The following UBE2L3 variants were observed in gnomAD, a reference collection of about 807,000 sequenced individuals.
UBE2L3 encodes the protein ubiquitin-conjugating enzyme E2 L3.
In UBE2L3, 1 loss-of-function variant was observed where a neutral mutation model predicts 17.8. That is an observed-to-expected ratio of 0.06 (90% CI 0.02 to 0.27). The LOEUF (loss-of-function observed/expected upper bound fraction) is 0.27, where lower values mean the gene tolerates loss of function less well. Ranked by LOEUF, UBE2L3 falls within the 10% of genes least tolerant of loss-of-function variation. UBE2L3 has a pLI of 1.00. For synonymous variants in UBE2L3, 44 were observed against 68.5 expected, an observed-to-expected ratio of 0.64 and a Z score of 1.76; for missense variants, 40 against 192.6, an observed-to-expected ratio of 0.21 and a Z score of 4.69.
At chr22:21,562,986 G>C (rs1182011855), upstream of UBE2L3, among the ~76,000 whole-genome samples, 2 of 149,932 alleles carry the variant, frequency 1.3e-5, no homozygotes, top group Admixed American at 1.3e-4. Context: ...GCTCACGCCT[G>C]TAATCCCAGC....
chr22:21,576,721 A>T (rs1050996579), intron 1 of UBE2L3, among the ~76,000 whole-genome samples: 1 of 151,884 alleles, frequency 6.6e-6, no homozygotes, highest in South Asian at 2.1e-4. Context: ...GATGTGAGCC[A>T]CTGCGCCTGG....
intron 1 of UBE2L3, among the ~76,000 whole-genome samples, chr22:21,588,440 A>G (rs915866175): frequency 3.3e-5 from 5 of 149,980 alleles, no homozygotes; most frequent in Non-Finnish European, 5.9e-5. Context: ...CTGATCTCTG[A>G]ATGATTCCAA....
chr22:21,568,375 C>G, intron 1 of UBE2L3: 1 of 985,422 alleles, frequency 1.0e-6, no homozygotes, highest in Non-Finnish European at 1.2e-6. Context: ...AGTCACACAG[C>G]GGGTAAGTTC....
intron 1 of UBE2L3, among the ~76,000 whole-genome samples, chr22:21,575,900 C>T (rs1206383366): frequency 1.3e-5 from 2 of 151,860 alleles, no homozygotes; most frequent in Admixed American, 6.6e-5. Flanking sequence ...CCTTAGCCTC[C>T]CAAAGGATTA....
At chr22:21,557,735 A>T (rs557552289) in intron 1 of UBE2L3, among the ~76,000 whole-genome samples, 2 of 152,234 alleles carry the variant, frequency 1.3e-5, no homozygotes, top group African/African-American at 4.8e-5. Flanking sequence ...GCCAGCCAAG[A>T]TGATCTCGAT....
At chr22:21,591,843 G>A (rs745562950) in intron 1 of UBE2L3, among the ~76,000 whole-genome samples, 6 of 152,158 alleles carry the variant, frequency 3.9e-5, no homozygotes, top group Non-Finnish European at 8.8e-5. Flanking sequence ...GTGTGGAGGC[G>A]GCTTTTGTGC....
intron 1 of UBE2L3, among the ~76,000 whole-genome samples, chr22:21,561,630 G>A (rs1926436046): frequency 6.6e-6 from 1 of 152,298 alleles, no homozygotes; most frequent in South Asian, 2.1e-4. Context: ...CTTACCTAAG[G>A]GAGCATGATA....
In UBE2L3 at chr22:21,567,731, G is replaced by A; in HGVS notation, c.-14G>A. 1.9e-6 allele frequency: 3 copies of A among 1,580,102 alleles called. No individual in the cohort carries two copies. Among genetic ancestry groups the A allele is most frequent in the Non-Finnish European group, 1.7e-6 (2 of 1,164,466 alleles). The stretch of plus-strand genomic sequence containing the variant: ...CGCGATGCATTCTGGGGAAGGAGCA[G>A]CACCAAATCCAAGATGGCGGCCAGC... On this transcript the variant is annotated 5_prime_UTR_variant, in exon 1 of 4. Coordinates refer to ENST00000342192, the MANE Select transcript of UBE2L3 (RefSeq NM_003347.4).
intron 2 of UBE2L3, among the ~76,000 whole-genome samples, chr22:21,601,061 C>G (rs1262396204): frequency 6.6e-6 from 1 of 151,728 alleles, no homozygotes; most frequent in Admixed American, 6.6e-5. Context: ...GTCCCAGCTA[C>G]TTGGGAGGCA....
At chr22:21,618,072 TG>T (rs1929864802) in intron 3 of UBE2L3, among the ~76,000 whole-genome samples, 1 of 151,916 alleles carries the variant, frequency 6.6e-6, no homozygotes, top group African/African-American at 2.4e-5. Flanking sequence ...TCCCAGCTAC[TG>T]GGGAAGTTGA....
intron 1 of UBE2L3, among the ~76,000 whole-genome samples, chr22:21,556,511 C>T (rs1926230846): frequency 6.6e-6 from 1 of 152,256 alleles, no homozygotes; most frequent in African/African-American, 2.4e-5. Context: ...CATACTGCAA[C>T]GTTCGCCTCC....
intron 1 of UBE2L3, among the ~76,000 whole-genome samples, chr22:21,582,819 C>G (rs151249308): frequency 6.6e-6 from 1 of 152,140 alleles, no homozygotes; most frequent in Non-Finnish European, 1.5e-5. Context: ...CCACCGTGCC[C>G]GGCCCTCAAT....
Position 21,623,940 on chromosome 22 carries a change from C to T in UBE2L3, c.*2271C>T, listed in dbSNP as rs1292837374. ...TTCTTGAAGTGTGCTGGGTCCTTCCCTCTGCTCCCTACTCCCCACCACGGC... is the reference window on the plus strand; with the variant it reads ...TTCTTGAAGTGTGCTGGGTCCTTCCTTCTGCTCCCTACTCCCCACCACGGC... On this transcript the variant is annotated 3_prime_UTR_variant, in exon 4 of 4. Transcript: ENST00000342192. 2.0e-5 allele frequency: 3 copies of T among 152,362 alleles called. No individual in the cohort carries two copies. The highest frequency in any genetic ancestry group is 6.5e-5 in the Admixed American group (1 of 15,280). The allele number at this position is 152,362 out of a possible 1,614,324, so 9.4% of individuals were successfully genotyped here.
upstream of UBE2L3, among the ~76,000 whole-genome samples, chr22:21,563,422 C>T (rs746606301): frequency 0.014 from 1,937 of 143,426 alleles, 22 homozygotes; most frequent in Non-Finnish European, 0.023. Context: ...ATTAGCCAGG[C>T]GTGGTGGCGG....
At chr22:21,589,879 C>A (rs373455441) in intron 1 of UBE2L3, among the ~76,000 whole-genome samples, 186 of 152,238 alleles carry the variant, frequency 1.2e-3, no homozygotes, top group Middle Eastern at 6.8e-3. Flanking sequence ...ACTTAGGATT[C>A]TCTGAGCTTC....
At chr22:21,574,371 G>T (rs369601948) in intron 1 of UBE2L3, among the ~76,000 whole-genome samples, 2 of 152,292 alleles carry the variant, frequency 1.3e-5, no homozygotes, top group East Asian at 1.9e-4. Flanking sequence ...GGTTAAATGA[G>T]TTAATATATA....
At chr22:21,579,174 A>G (rs930561780) in intron 1 of UBE2L3, among the ~76,000 whole-genome samples, 11 of 151,856 alleles carry the variant, frequency 7.2e-5, no homozygotes, top group Non-Finnish European at 1.3e-4. Context: ...TATTTTTAGT[A>G]GAGACGGGGG....
At chr22:21,607,399 C>T (rs1242918170) in intron 2 of UBE2L3, among the ~76,000 whole-genome samples, 1 of 151,450 alleles carries the variant, frequency 6.6e-6, no homozygotes, top group Non-Finnish European at 1.5e-5. Flanking sequence ...CCTGTAATCC[C>T]AGCTACTTAG....
chr22:21,609,463 T>C (rs1929357133), intron 2 of UBE2L3, among the ~76,000 whole-genome samples: 1 of 152,030 alleles, frequency 6.6e-6, no homozygotes, highest in Non-Finnish European at 1.5e-5. Context: ...TCCTAGTACT[T>C]TGGGAGGCCG....
Sources: gnomAD v4.1 joint callset for allele counts (sites outside exome capture counted in the v4.1 genomes callset) on GRCh38, gnomAD v4.1.1 for gene constraint, MANE v1.5 for transcripts, NCBI Gene and HGNC (gene_info 2026-07-23, HGNC 2026-07-21) for gene names.